Variants in STAG2 observed in about 807,000 individuals in gnomAD.
STAG2 encodes STAG2 cohesin complex component.
STAG2 carries 14 observed loss-of-function variants against 108.1 expected under a neutral mutation model. That is an observed-to-expected ratio of 0.13 (90% CI 0.09 to 0.20). STAG2 has a LOEUF of 0.20. Among genes scored for constraint, STAG2 ranks in the 10% least tolerant of loss-of-function variants. The pLI is 1.00. For missense variants in STAG2, 440 were observed against 940.9 expected (o/e 0.47, Z 6.96); for synonymous variants, 307 against 302.7 (o/e 1.01, Z -0.15).
At chrX:124,017,356 C>T (rs1481729957) in intron 1 of STAG2, among the ~76,000 whole-genome samples, 3 of 109,880 alleles carry the variant, frequency 2.7e-5, no homozygotes, top group Non-Finnish European at 5.7e-5. Context: ...ACTATAGGTG[C>T]ACACCACTGT....
intron 3 of STAG2, among the ~76,000 whole-genome samples, chrX:124,024,366 A>C (rs999026223): frequency 9.0e-6 from 1 of 111,213 alleles, no homozygotes; most frequent in African/African-American, 3.3e-5. Context: ...AAGATATTTT[A>C]AATTTTCATT....
At position 124,016,308 on chromosome X, in the gene STAG2, A is replaced by G. The variant is rs372078157; in HGVS notation, c.-162-5059A>G. On this transcript the variant is annotated intron_variant, in intron 1 of 34. Transcript: ENST00000371145. ...GCACGCGCCACCATGCCCAGCTAGTAGTTCACGTTTTAACAGAGTACATTA... is the reference window on the plus strand; with the variant it reads ...GCACGCGCCACCATGCCCAGCTAGTGGTTCACGTTTTAACAGAGTACATTA... Among the ~76,000 whole-genome samples, 14 of 111,453 alleles carry G rather than the reference A, an allele frequency of 1.3e-4. No homozygotes were observed. The East Asian group carries it at 2.8e-3, about 22-fold the overall frequency.
chrX:123,968,469 G>C (rs1423614200), intron 1 of STAG2, among the ~76,000 whole-genome samples: 1 of 111,197 alleles, frequency 9.0e-6, no homozygotes, highest in Non-Finnish European at 1.9e-5. Flanking sequence ...AGACCATCCT[G>C]GGCAACGTAG....
At chrX:124,030,506 T>G (rs2057296199) in intron 4 of STAG2, among the ~76,000 whole-genome samples, 1 of 112,315 alleles carries the variant, frequency 8.9e-6, no homozygotes, top group Non-Finnish European at 1.9e-5. Context: ...TTTTTTCATT[T>G]TACAGTGATA....
intron 4 of STAG2, among the ~76,000 whole-genome samples, chrX:124,030,724 G>T (rs920551759): frequency 2.7e-5 from 3 of 111,380 alleles, no homozygotes; most frequent in Non-Finnish European, 5.6e-5. Context: ...CACAGAGTCT[G>T]TCTGTCTGCA....
chrX:124,074,646 G>A (rs927651237), intron 25 of STAG2, among the ~76,000 whole-genome samples: 2 of 111,464 alleles, frequency 1.8e-5, no homozygotes, highest in Admixed American at 9.6e-5. Flanking sequence ...GAAAGGGAGA[G>A]TAAAATAGGG....
At chrX:123,998,616 ATCTATCTATCTATCTAT>A (rs2055876746) in intron 1 of STAG2, among the ~76,000 whole-genome samples, 1 of 106,870 alleles carries the variant, frequency 9.4e-6, no homozygotes. Context: ...CTATCTATCT[ATCTATCTATCTATCTAT>A]CTAACTAACT....
chrX:124,074,060 C>A (rs1471193655), intron 25 of STAG2, among the ~76,000 whole-genome samples: 1 of 112,042 alleles, frequency 8.9e-6, no homozygotes, highest in African/African-American at 3.2e-5. Context: ...TTAGGTTGAA[C>A]ATTTTGCAAT....
At chrX:123,965,047 T>C (rs752010665) in intron 1 of STAG2, among the ~76,000 whole-genome samples, 1 of 108,289 alleles carries the variant, frequency 9.2e-6, no homozygotes, top group South Asian at 4.1e-4. Context: ...AAAATACATG[T>C]CACAGTTCCG....
At chrX:124,046,853 A>G (rs1426255964) in intron 8 of STAG2, among the ~76,000 whole-genome samples, 1 of 112,154 alleles carries the variant, frequency 8.9e-6, no homozygotes, top group Non-Finnish European at 1.9e-5. Context: ...TACTGATAAA[A>G]TTCCTCAACA....
intron 1 of STAG2, among the ~76,000 whole-genome samples, chrX:123,976,381 A>G (rs763473989): frequency 1.2e-4 from 14 of 112,383 alleles, no homozygotes; most frequent in Non-Finnish European, 2.4e-4. Flanking sequence ...TGAATGTACA[A>G]TATTGGCAAA....
chrX:123,998,481 A>G (rs1051446087), intron 1 of STAG2, among the ~76,000 whole-genome samples: 2 of 100,955 alleles, frequency 2.0e-5, no homozygotes, highest in East Asian at 3.0e-4. Flanking sequence ...GTGTGTGTGT[A>G]TGTGTTTTTT....
chrX:123,976,794 G>A (rs764766484), intron 1 of STAG2, among the ~76,000 whole-genome samples: 1 of 111,756 alleles, frequency 8.9e-6, no homozygotes, highest in Non-Finnish European at 1.9e-5. Context: ...AGATCACTTA[G>A]CTAATAAGTG....
intron 1 of STAG2, among the ~76,000 whole-genome samples, chrX:124,017,022 C>T (rs938934332): frequency 2.7e-5 from 3 of 110,584 alleles, no homozygotes; most frequent in Non-Finnish European, 5.7e-5. Context: ...AATTTGCCAG[C>T]TTTTAGCAGT....
intron 1 of STAG2, among the ~76,000 whole-genome samples, chrX:123,964,081 G>A (rs1331435725): frequency 9.0e-6 from 1 of 111,174 alleles, no homozygotes; most frequent in Non-Finnish European, 1.9e-5. Flanking sequence ...ACTTTTGTGC[G>A]TGCTGTTAAA....
At chrX:123,976,474 G>T (rs1223486525) in intron 1 of STAG2, among the ~76,000 whole-genome samples, 1 of 110,640 alleles carries the variant, frequency 9.0e-6, no homozygotes, top group African/African-American at 3.3e-5. Context: ...GTTTCATTGT[G>T]CAGTATATAT....
chrX:124,037,265 T>C (rs934311629), intron 5 of STAG2, among the ~76,000 whole-genome samples: 4 of 112,065 alleles, frequency 3.6e-5, no homozygotes, highest in African/African-American at 1.3e-4. Flanking sequence ...TTGATGGAAT[T>C]GACTTCCATA....
At chrX:124,010,064 A>G (rs1330120552) in intron 1 of STAG2, among the ~76,000 whole-genome samples, 1 of 111,780 alleles carries the variant, frequency 8.9e-6, no homozygotes, top group Middle Eastern at 4.2e-3. Flanking sequence ...CGATGATTTA[A>G]GTAAAATCCT....
intron 30 of STAG2, among the ~76,000 whole-genome samples, chrX:124,088,442 C>T (rs966934177): frequency 6.3e-5 from 7 of 110,611 alleles, no homozygotes; most frequent in African/African-American, 2.3e-4. Flanking sequence ...CAAGTCAATG[C>T]AATTTTGAAG....
Sources: allele counts gnomAD v4.1 joint callset (sites outside exome capture counted in the v4.1 genomes callset), GRCh38; gene constraint gnomAD v4.1.1; transcripts MANE v1.5; gene names NCBI Gene and HGNC (gene_info 2026-07-23, HGNC 2026-07-21).